CERS6: variants seen among roughly 807,000 people sequenced by gnomAD.
The protein encoded by CERS6 is LAG1 homolog, ceramide synthase 6.
Under a neutral mutation model 56.8 loss-of-function variants are expected in CERS6, and 26 were observed. That is an observed-to-expected ratio of 0.46 (90% CI 0.34 to 0.63). The LOEUF is 0.63. Among genes scored for constraint, CERS6 ranks in the 30% least tolerant of loss-of-function variants. The pLI is 0.01. For synonymous variants in CERS6, 164 were observed against 173.3 expected, an observed-to-expected ratio of 0.95 and a Z score of 0.42; for missense variants, 415 against 467.5, an observed-to-expected ratio of 0.89 and a Z score of 1.04.
In CERS6 at chr2:168,717,739, C is replaced by T. The variant is rs1687260541; in HGVS notation, c.739-133C>T. The stretch of plus-strand genomic sequence containing the variant: ...TGATGTATGACATTTCAATCGCAGG[C>T]TGAAATGCATAAAAATGCAGGCAAT... On this transcript the variant is annotated intron_variant, in intron 7 of 9. Transcript: ENST00000305747. 15 of 592,526 alleles carry T rather than the reference C, an allele frequency of 2.5e-5. No homozygotes were observed. The East Asian group carries it at 4.5e-4, about 18-fold the overall frequency. The allele number at this position is 592,526 out of a possible 1,614,324, so 36.7% of individuals were successfully genotyped here.
chr2:168,576,252 A>G (rs1320817147), intron 3 of CERS6, among the ~76,000 whole-genome samples: 1 of 152,170 alleles, frequency 6.6e-6, no homozygotes, highest in African/African-American at 2.4e-5. Flanking sequence ...CAACAGCCCA[A>G]TGCTCTTGCT....
intron 8 of CERS6, among the ~76,000 whole-genome samples, chr2:168,720,554 C>G (rs1687338006): frequency 6.6e-6 from 1 of 152,098 alleles, no homozygotes; most frequent in Admixed American, 6.6e-5. Context: ...GACGTTTGGA[C>G]CAGTGTGCAT....
intron 1 of CERS6, among the ~76,000 whole-genome samples, chr2:168,470,962 C>T (rs1251249297): frequency 2.6e-5 from 4 of 152,150 alleles, no homozygotes; most frequent in African/African-American, 4.8e-5. Flanking sequence ...AAGGCTGCCT[C>T]GCTCAGAGGC....
At chr2:168,721,554 G>GTTTT (rs5836196) in intron 8 of CERS6, among the ~76,000 whole-genome samples, 1 of 77,364 alleles carries the variant, frequency 1.3e-5, no homozygotes. Flanking sequence ...TTTTGTTTTT[G>GTTTT]TTTTTTTTTT....
chr2:168,584,229 A>C (rs760072624), intron 3 of CERS6, among the ~76,000 whole-genome samples: 7 of 152,234 alleles, frequency 4.6e-5, no homozygotes, highest in Non-Finnish European at 1.0e-4. Context: ...AGACATAATG[A>C]ATACTGCCAG....
intron 3 of CERS6, among the ~76,000 whole-genome samples, chr2:168,581,679 G>C (rs1683414683): frequency 6.6e-6 from 1 of 152,232 alleles, no homozygotes; most frequent in South Asian, 2.1e-4. Context: ...GTTCTTTGCA[G>C]ATACTTTTTA....
chr2:168,697,297 C>T (rs1460116068), intron 6 of CERS6, among the ~76,000 whole-genome samples: 3 of 152,178 alleles, frequency 2.0e-5, no homozygotes, highest in Admixed American at 1.3e-4. Context: ...TTCCCTTACT[C>T]ATTGCACCCA....
Position 168,728,267 on chromosome 2 carries a change from C to A in CERS6, c.845+10289C>A, listed in dbSNP as rs146235983. Among the ~76,000 whole-genome samples, 1,081 of 151,538 alleles carry A rather than the reference C, an allele frequency of 7.1e-3. 11 individuals are homozygous for A. Among genetic ancestry groups the A allele is most frequent in the African/African-American group, 0.025 (1,013 of 41,244 alleles). ...CCAACTCTCTGGCTAAGCCATTAAA[C>A]ATTAGTCTCGTGAGTAATAATAAGG... On this transcript the variant is annotated intron_variant, in intron 8 of 9. Transcript: ENST00000305747.
chr2:168,685,634 T>TA (rs886545456), intron 4 of CERS6, among the ~76,000 whole-genome samples: 29 of 151,516 alleles, frequency 1.9e-4, no homozygotes, highest in Non-Finnish European at 3.2e-4. Context: ...ACCCTTCTCT[T>TA]AAAAAAAAAT....
chr2:168,474,937 T>C (rs1694042753), intron 1 of CERS6, among the ~76,000 whole-genome samples: 2 of 152,168 alleles, frequency 1.3e-5, no homozygotes, highest in Non-Finnish European at 2.9e-5. Flanking sequence ...AGAATTACCT[T>C]ATGATTAAGC....
At chr2:168,678,434 A>G (rs1686123422) in intron 4 of CERS6, among the ~76,000 whole-genome samples, 2 of 152,200 alleles carry the variant, frequency 1.3e-5, no homozygotes, top group Admixed American at 1.3e-4. Flanking sequence ...TCAGACTTCC[A>G]GCTGAAAAAC....
intron 4 of CERS6, among the ~76,000 whole-genome samples, chr2:168,679,717 C>T (rs1686162617): frequency 6.6e-6 from 1 of 152,196 alleles, no homozygotes; most frequent in Admixed American, 6.5e-5. Context: ...TGTCAATTCT[C>T]TTTATAGTGT....
intron 3 of CERS6, among the ~76,000 whole-genome samples, chr2:168,579,767 G>A (rs1386211983): frequency 6.6e-6 from 1 of 152,112 alleles, no homozygotes; most frequent in Non-Finnish European, 1.5e-5. Context: ...GTCCAGATCT[G>A]GGCTGTGGAC....
At chr2:168,555,419 T>C (rs1695657283) in intron 2 of CERS6, among the ~76,000 whole-genome samples, 2 of 152,052 alleles carry the variant, frequency 1.3e-5, no homozygotes, top group Non-Finnish European at 2.9e-5. Flanking sequence ...GGTTAAACAT[T>C]AGAACAAGAA....
intron 4 of CERS6, among the ~76,000 whole-genome samples, chr2:168,673,313 G>A (rs1016724010): frequency 2.0e-5 from 3 of 152,116 alleles, no homozygotes; most frequent in African/African-American, 7.2e-5. Context: ...TTATTGTCCT[G>A]ATTACGAATA....
chr2:168,707,251 C>T (rs1471793403), intron 6 of CERS6, among the ~76,000 whole-genome samples: 2 of 152,064 alleles, frequency 1.3e-5, no homozygotes, highest in African/African-American at 2.4e-5. Flanking sequence ...CCTCAAGGAC[C>T]TAAATGTGTA....
intron 3 of CERS6, among the ~76,000 whole-genome samples, chr2:168,624,510 G>A (rs1476210555): frequency 6.6e-6 from 1 of 152,018 alleles, no homozygotes; most frequent in Admixed American, 6.6e-5. Context: ...CAAAATATAG[G>A]TGAGTTAATA....
intron 3 of CERS6, among the ~76,000 whole-genome samples, chr2:168,598,913 T>C (rs938127945): frequency 3.9e-5 from 6 of 152,226 alleles, no homozygotes; most frequent in Non-Finnish European, 5.9e-5. Context: ...GGAGACCTTT[T>C]CTGCCTCTCT....
intron 1 of CERS6, among the ~76,000 whole-genome samples, chr2:168,512,116 G>T (rs1006376343): frequency 6.6e-6 from 1 of 152,162 alleles, no homozygotes; most frequent in African/African-American, 2.4e-5. Context: ...CTCATATAAG[G>T]TACCTAGAAT....
Sources: allele counts gnomAD v4.1 joint callset (sites outside exome capture counted in the v4.1 genomes callset), GRCh38; gene constraint gnomAD v4.1.1; transcripts MANE v1.5; gene names NCBI Gene and HGNC (gene_info 2026-07-23, HGNC 2026-07-21).